DIP2C: variants seen among roughly 807,000 people sequenced by gnomAD.
The protein encoded by DIP2C is DIP2 acetate--CoA ligase C (putative).
DIP2C carries 33 observed loss-of-function variants against 192.4 expected under a neutral mutation model. The ratio of observed to expected loss-of-function variants is 0.17; its 90% confidence interval spans 0.13 to 0.23. DIP2C has a LOEUF of 0.23. DIP2C is among the 10% of genes least tolerant of loss of function. DIP2C has a pLI of 1.00. For synonymous variants in DIP2C, 979 were observed against 864.1 expected (o/e 1.13, Z -2.33); for missense variants, 1,537 against 2,110.1 (o/e 0.73, Z 5.32).
Position 674,789 on chromosome 10 carries a change from TAGAG to T in DIP2C, c.85+14701_85+14704del, listed in dbSNP as rs1554772102. ...CATCTCAAATATATATATATATATA[TAGAG>T]AGAGAGAGAGAGAGAGAGAGAGAGA... On this transcript the variant is annotated intron_variant, in intron 1 of 36. Coordinates refer to ENST00000280886, the MANE Select transcript of DIP2C (RefSeq NM_014974.3). Among the ~76,000 whole-genome samples, 200 of 62,478 alleles carry T rather than the reference TAGAG, an allele frequency of 3.2e-3. 4 individuals carry two copies. The highest frequency in any genetic ancestry group is 9.1e-3 in the Middle Eastern group (1 of 110). The allele number at this position is 62,478 out of a possible 152,430, so 41.0% of individuals were successfully genotyped here.
chr10:413,182 C>G (rs1405214449), intron 8 of DIP2C, among the ~76,000 whole-genome samples: 1 of 152,162 alleles, frequency 6.6e-6, no homozygotes, highest in African/African-American at 2.4e-5. Flanking sequence ...AGAAAATAGC[C>G]TGACAATCTG....
At chr10:365,026 A>G (rs775133083) in intron 19 of DIP2C, 4 of 530,688 alleles carry the variant, frequency 7.5e-6, no homozygotes, top group African/African-American at 5.8e-5. Context: ...AGTATGCTGA[A>G]AAGAAAAATA....
At chr10:668,954 C>T (rs975630275) in intron 1 of DIP2C, 1 of 152,152 alleles carries the variant, frequency 6.6e-6, no homozygotes, top group Non-Finnish European at 1.5e-5. Context: ...ACAACTCACA[C>T]TCAGAGGCCA....
chr10:559,669 T>C (rs1849093769), intron 1 of DIP2C, among the ~76,000 whole-genome samples: 1 of 151,578 alleles, frequency 6.6e-6, no homozygotes, highest in Admixed American at 6.6e-5. Context: ...AGGTAAGGAG[T>C]ACAGACCAGC....
intron 1 of DIP2C, among the ~76,000 whole-genome samples, chr10:679,493 GC>G (rs1831038915): frequency 4.1e-5 from 1 of 24,158 alleles, no homozygotes; most frequent in Non-Finnish European, 7.2e-5. Context: ...CCACACCCCT[GC>G]TCCCCACACC....
intron 1 of DIP2C, among the ~76,000 whole-genome samples, chr10:537,457 TAGC>T (rs902644583): frequency 7.2e-5 from 11 of 152,192 alleles, no homozygotes; most frequent in African/African-American, 2.7e-4. Context: ...TTCCCACAAG[TAGC>T]CCTCTAATGC....
At chr10:342,229 G>A (rs905830562) in intron 28 of DIP2C, among the ~76,000 whole-genome samples, 14 of 151,722 alleles carry the variant, frequency 9.2e-5, no homozygotes, top group African/African-American at 2.9e-4. Context: ...TGCGATCTCC[G>A]CTCACTGCAA....
Position 389,984 on chromosome 10 carries a change from A to G in DIP2C, c.1597+7T>C. 1 of 1,610,168 alleles carries G rather than the reference A, an allele frequency of 6.2e-7. No homozygotes were observed. The highest frequency in any genetic ancestry group is 8.5e-7 in the Non-Finnish European group (1 of 1,178,008). On this transcript the variant is annotated splice_region_variant and intron_variant, in intron 13 of 36. Coordinates refer to ENST00000280886, the MANE Select transcript of DIP2C (RefSeq NM_014974.3). ...GGGTCCCAAGGAGTCAGGGTCTGGC[A>G]CCCCACCTTCCGTGTAGCCACACGC...
At chr10:327,684 C>T (rs907628062) in intron 30 of DIP2C, among the ~76,000 whole-genome samples, 1 of 152,146 alleles carries the variant, frequency 6.6e-6, no homozygotes, top group Non-Finnish European at 1.5e-5. Flanking sequence ...CAGACATGTA[C>T]CACCACACCC....
intron 9 of DIP2C, among the ~76,000 whole-genome samples, chr10:408,041 A>G (rs1055524658): frequency 2.0e-5 from 3 of 151,934 alleles, no homozygotes; most frequent in African/African-American, 7.3e-5. Flanking sequence ...CTTCTAAGGC[A>G]TTTTCTTTAT....
intron 1 of DIP2C, among the ~76,000 whole-genome samples, chr10:587,122 G>A (rs1851099690): frequency 6.6e-6 from 1 of 151,164 alleles, no homozygotes; most frequent in Non-Finnish European, 1.5e-5. Flanking sequence ...GTGGCGAGGG[G>A]CAAACAGTGC....
chr10:565,476 C>T (rs748953969), intron 1 of DIP2C, among the ~76,000 whole-genome samples: 25 of 152,122 alleles, frequency 1.6e-4, no homozygotes, highest in Non-Finnish European at 2.6e-4. Context: ...CCCAGAAGAT[C>T]CCTTTTTCCA....
intron 32 of DIP2C, among the ~76,000 whole-genome samples, chr10:307,513 G>A (rs1011013104): frequency 1.3e-5 from 2 of 152,190 alleles, no homozygotes; most frequent in Non-Finnish European, 2.9e-5. Context: ...CTTGGAGGTG[G>A]GCTGGGGGCT....
intron 1 of DIP2C, among the ~76,000 whole-genome samples, chr10:580,169 G>A (rs1850519323): frequency 6.6e-6 from 1 of 152,082 alleles, no homozygotes; most frequent in African/African-American, 2.4e-5. Context: ...GTGCACTACA[G>A]CATGCCTACA....
chr10:311,653 C>T (rs977029167), intron 31 of DIP2C: 42 of 1,125,324 alleles, frequency 3.7e-5, no homozygotes, highest in Non-Finnish European at 4.4e-5. Context: ...CAGACACATA[C>T]GACCCGACAG....
intron 2 of DIP2C, among the ~76,000 whole-genome samples, chr10:486,237 G>A (rs561093271): frequency 1.3e-5 from 2 of 152,338 alleles, no homozygotes; most frequent in South Asian, 4.1e-4. Flanking sequence ...TCTACTTATA[G>A]AGAAAACACC....
intron 1 of DIP2C, among the ~76,000 whole-genome samples, chr10:546,438 G>A (rs1049267886): frequency 6.6e-6 from 1 of 152,162 alleles, no homozygotes; most frequent in Admixed American, 6.5e-5. Context: ...TCTGCACCTC[G>A]GACAGCAGGG....
In DIP2C at chr10:343,886, A is replaced by G. The variant is rs530091110; in HGVS notation, c.3453+923T>C. 6.8e-4 allele frequency among the ~76,000 whole-genome samples: 103 copies of G among 152,224 alleles called. 1 individual carries two copies. Among genetic ancestry groups the G allele is most frequent in the Non-Finnish European group, 2.6e-4 (18 of 68,046 alleles). On this transcript the variant is annotated intron_variant, in intron 28 of 36. Coordinates refer to ENST00000280886, the MANE Select transcript of DIP2C (RefSeq NM_014974.3). Reference sequence around the variant, plus strand: ...AAGAGTAAGACACAGCCCTGCCCTCAGGATCCAGTGGGAATTCACAGACGA... The same window carrying G: ...AAGAGTAAGACACAGCCCTGCCCTCGGGATCCAGTGGGAATTCACAGACGA...
intron 1 of DIP2C, among the ~76,000 whole-genome samples, chr10:492,457 A>G (rs1844515046): frequency 1.3e-5 from 2 of 152,194 alleles, no homozygotes; most frequent in South Asian, 4.1e-4. Context: ...TTCCATAAAG[A>G]TCTTTTAAAT....
Sources: gnomAD v4.1 joint callset for allele counts (sites outside exome capture counted in the v4.1 genomes callset) on GRCh38, gnomAD v4.1.1 for gene constraint, MANE v1.5 for transcripts, NCBI Gene and HGNC (gene_info 2026-07-23, HGNC 2026-07-21) for gene names.